OVAAL: variants seen among roughly 807,000 people sequenced by gnomAD.
OVAAL encodes long intergenic non-protein coding RNA 1131.
intron 1 of OVAAL, among the ~76,000 whole-genome samples, chr1:180,559,473 C>T (rs1476540091): frequency 6.6e-6 from 1 of 152,124 alleles, no homozygotes; most frequent in African/African-American, 2.4e-5. Context: ...TTAAGAGAGA[C>T]AATTTCAGGT....
exon 3 of OVAAL, chr1:180,565,715 C>T (rs1018926600): frequency 1.3e-5 from 2 of 152,166 alleles, no homozygotes; most frequent in African/African-American, 2.4e-5. Flanking sequence ...TGAGTACCTA[C>T]CATGTGCCAA....
chr1:180,563,026 C>T (rs1268174185), intron 2 of OVAAL, among the ~76,000 whole-genome samples: 1 of 152,172 alleles, frequency 6.6e-6, no homozygotes, highest in Non-Finnish European at 1.5e-5. Flanking sequence ...CTGCTACTTC[C>T]CTTCGTTTTC....
intron 2 of OVAAL, chr1:180,565,184 C>G (rs895907641): frequency 6.5e-6 from 1 of 153,280 alleles, no homozygotes. Context: ...GCTTAAGCCT[C>G]TCTTCAGCTT....
At chr1:180,561,297 C>A (rs577862983) in intron 1 of OVAAL, among the ~76,000 whole-genome samples, 1 of 152,296 alleles carries the variant, frequency 6.6e-6, no homozygotes, top group Non-Finnish European at 1.5e-5. Flanking sequence ...GCAGCCCCAG[C>A]TGCAGTTATG....
At chr1:180,565,492 T>A (rs1239521334) in exon 3 of OVAAL, 1 of 152,188 alleles carries the variant, frequency 6.6e-6, no homozygotes, top group African/African-American at 2.4e-5. Context: ...CTAGGGAGGA[T>A]ACCGTTGACA....
intron 2 of OVAAL, among the ~76,000 whole-genome samples, chr1:180,564,480 A>G (rs1445867385): frequency 6.6e-6 from 1 of 152,118 alleles, no homozygotes; most frequent in Non-Finnish European, 1.5e-5. Context: ...GTTGTATTCA[A>G]TTCTATCATC....
chr1:180,561,991 C>G (rs1653213768), intron 1 of OVAAL, among the ~76,000 whole-genome samples: 1 of 151,516 alleles, frequency 6.6e-6, no homozygotes, highest in South Asian at 2.1e-4. Flanking sequence ...CCACTGCACT[C>G]CAGCCTGGGC....
At chr1:180,565,390 C>A (rs542410384) in exon 3 of OVAAL, 21 of 152,490 alleles carry the variant, frequency 1.4e-4, no homozygotes, top group African/African-American at 5.1e-4. Context: ...AAGCCCCAGA[C>A]ATTTAGCCTT....
intron 1 of OVAAL, among the ~76,000 whole-genome samples, chr1:180,560,631 A>T (rs16856163): frequency 0.013 from 1,932 of 152,326 alleles, 49 homozygotes; most frequent in African/African-American, 0.043. Context: ...TTATAGATCT[A>T]CATAGTTCAC....
intron 2 of OVAAL, among the ~76,000 whole-genome samples, chr1:180,563,387 A>T (rs1368273766): frequency 6.6e-6 from 1 of 152,152 alleles, no homozygotes; most frequent in Non-Finnish European, 1.5e-5. Flanking sequence ...AACAGTGGAG[A>T]ATTCGTACGG....
chr1:180,565,674 T>G (rs1653277424), exon 3 of OVAAL: 1 of 152,140 alleles, frequency 6.6e-6, no homozygotes, highest in Admixed American at 6.5e-5. Context: ...CTAAGCAGGA[T>G]ACAGCAAGAT....
exon 3 of OVAAL, chr1:180,565,598 C>T (rs1283472516): frequency 6.6e-6 from 1 of 152,174 alleles, no homozygotes; most frequent in Non-Finnish European, 1.5e-5. Context: ...AATGGACTCT[C>T]CTGCTTCGTT....
At chr1:180,566,192 C>G (rs41267630) in exon 3 of OVAAL, 20 of 152,208 alleles carry the variant, frequency 1.3e-4, no homozygotes, top group Non-Finnish European at 2.4e-4. Context: ...GCAGTCAGGA[C>G]AAGAGAGCAG....
rs1452585501 is a variant in OVAAL, at chr1:180,563,815, G to A, written n.514-1436G>A. Among the ~76,000 whole-genome samples the A allele has an allele frequency of 3.3e-5, 5 of 152,146 alleles. No individual in the cohort carries two copies. In the East Asian group the frequency reaches 9.6e-4, roughly 29 times the overall value. On this transcript the variant is annotated intron_variant and non_coding_transcript_variant, in intron 2 of 2. Transcript: ENST00000673955. ...GTGTGAGTCCGCACGCCCAACTCCT[G>A]GGATCTTATCAGGAAGCTGATGATC...
chr1:180,562,879 T>C (rs2102145583), intron 2 of OVAAL, among the ~76,000 whole-genome samples: 1 of 152,340 alleles, frequency 6.6e-6, no homozygotes, highest in African/African-American at 2.4e-5. Context: ...CAGTTTAGTG[T>C]TGAGTGTGTT....
intron 2 of OVAAL, among the ~76,000 whole-genome samples, chr1:180,564,457 G>T (rs1385002509): frequency 6.6e-6 from 1 of 152,132 alleles, no homozygotes; most frequent in Non-Finnish European, 1.5e-5. Flanking sequence ...CTAGTCTAAA[G>T]TTAAACTACT....
exon 3 of OVAAL, chr1:180,565,965 T>C (rs1047729541): frequency 6.6e-6 from 1 of 152,206 alleles, no homozygotes; most frequent in African/African-American, 2.4e-5. Flanking sequence ...AAAGGTAGCA[T>C]TTCACCCAGC....
chr1:180,562,003 A>G (rs1304738451), intron 1 of OVAAL, among the ~76,000 whole-genome samples: 1 of 151,084 alleles, frequency 6.6e-6, no homozygotes, highest in Non-Finnish European at 1.5e-5. Flanking sequence ...AGCCTGGGCG[A>G]GAAGAGTGAA....
At chr1:180,562,373 G>A (rs1035875570) in intron 2 of OVAAL, 2 of 152,180 alleles carry the variant, frequency 1.3e-5, no homozygotes, top group African/African-American at 4.8e-5. Flanking sequence ...GAATAATATG[G>A]CTATACTGTG....
Sources: allele counts gnomAD v4.1 joint callset (sites outside exome capture counted in the v4.1 genomes callset), GRCh38; gene constraint gnomAD v4.1.1; transcripts MANE v1.5; gene names NCBI Gene and HGNC (gene_info 2026-07-23, HGNC 2026-07-21).